The following PFKFB4 variants were observed in gnomAD, a reference collection of about 807,000 sequenced individuals.
The protein encoded by PFKFB4 is 6-phosphofructo-2-kinase/fructose-2,6-bisphosphatase 4.
A neutral mutation model predicts 62.8 loss-of-function variants in PFKFB4; 42 were observed. The observed-to-expected ratio is 0.67, with a 90% CI of 0.52 to 0.86. PFKFB4 has a LOEUF of 0.86. PFKFB4 is among the 40% of genes least tolerant of loss of function. PFKFB4 has a pLI of 0.00. For missense variants in PFKFB4, 475 were observed against 627.2 expected, an observed-to-expected ratio of 0.76 and a Z score of 2.59; for synonymous variants, 204 against 240.7, an observed-to-expected ratio of 0.85 and a Z score of 1.41.
Position 48,539,691 on chromosome 3 carries a change from C to G in PFKFB4, c.453+6G>C. ...CCGCCAAGGAGAGGAGCCAAGGAGG[C>G]CTCACCTTGTAGCCATTCTGTTCTC... On this transcript the variant is annotated splice_donor_region_variant and intron_variant, in intron 5 of 13. Transcript: ENST00000232375. 1 of 1,611,010 alleles carries G rather than the reference C, an allele frequency of 6.2e-7. No individual in the cohort carries two copies.
In PFKFB4 at chr3:48,518,278, G is replaced by C. The variant is rs2041979063; in HGVS notation, c.*1469C>G. On this transcript the variant is annotated 3_prime_UTR_variant, in exon 14 of 14. Coordinates refer to ENST00000232375, the MANE Select transcript of PFKFB4 (RefSeq NM_004567.4). ...CACAAGGATGAGAGACCACCGGCCA[G>C]GGCCAGGGACGCTAACTTCTCTCAG... 6.6e-6 allele frequency: 1 copy of C among 152,540 alleles called. No homozygotes were observed. The highest frequency in any genetic ancestry group is 6.5e-5 in the Admixed American group (1 of 15,286). 9.4% of individuals were successfully genotyped at this position (152,540 alleles called of 1,614,324 possible). A position where few individuals can be genotyped will look rare whatever the true frequency, so the allele number is the denominator to read the frequency against.
intron 1 of PFKFB4, among the ~76,000 whole-genome samples, chr3:48,550,643 T>C (rs2043114475): frequency 6.6e-6 from 1 of 152,048 alleles, no homozygotes. Flanking sequence ...CCTTTTTACA[T>C]CTCTCCCACC....
At chr3:48,551,458 C>T (rs1307923202) in intron 1 of PFKFB4, among the ~76,000 whole-genome samples, 2 of 143,498 alleles carry the variant, frequency 1.4e-5, no homozygotes, top group African/African-American at 5.2e-5. Flanking sequence ...CTCAGGTGAT[C>T]CGACTGCCTG....
Position 48,519,699 on chromosome 3 carries a change from C to A in PFKFB4, c.*48G>T. 7.0e-7 allele frequency: 1 copy of A among 1,418,714 alleles called. No homozygotes were observed. The highest frequency in any genetic ancestry group is 1.0e-6 in the Non-Finnish European group (1 of 1,003,428). 87.9% of individuals were successfully genotyped at this position (1,418,714 alleles called of 1,614,324 possible). A position where few individuals can be genotyped will look rare whatever the true frequency, so the allele number is the denominator to read the frequency against. On this transcript the variant is annotated 3_prime_UTR_variant, in exon 14 of 14. Coordinates refer to ENST00000232375, the MANE Select transcript of PFKFB4 (RefSeq NM_004567.4). ...ACACTGGAGGGCCTGGAATGACCCC[C>A]TCTGCAGAGAGCAGTGCCTGCCTAG...
chr3:48,552,246 C>T (rs2043178007), intron 1 of PFKFB4, among the ~76,000 whole-genome samples: 1 of 152,212 alleles, frequency 6.6e-6, no homozygotes, highest in Non-Finnish European at 1.5e-5. Flanking sequence ...TCTGTCCTAC[C>T]CTGGCGGATA....
At chr3:48,543,682 C>A in intron 3 of PFKFB4, 36 bp from the exon 4 acceptor site, 1 of 1,570,966 alleles carries the variant, frequency 6.4e-7, no homozygotes, top group East Asian at 2.3e-5. Flanking sequence ...GCCCAGCACC[C>A]GACCCTGGCT....
rs753690785 is a variant in PFKFB4, at chr3:48,535,512, C to T, written c.987G>A (p.Ala329=). The T allele has an allele frequency of 2.8e-5, 45 of 1,612,706 alleles. No individual in the cohort carries two copies. Among genetic ancestry groups the T allele is most frequent in the Admixed American group, 3.3e-5 (2 of 59,936 alleles). The change falls in exon 9 of 14, where the codon GCG becomes GCA. Residue 329 remains alanine, a splice_region_variant and synonymous_variant. Coordinates refer to ENST00000232375, the MANE Select transcript of PFKFB4 (RefSeq NM_004567.4). The part of the protein sequence containing the change: ...EQWKVLNEID[A]GVCEEMTYEE... ...ACAGGGAGGGAGGGACGGTAACTACCGCATCGATCTCGTTGAGGACCTTCC... is the reference window on the plus strand; with the variant it reads ...ACAGGGAGGGAGGGACGGTAACTACTGCATCGATCTCGTTGAGGACCTTCC...
intron 5 of PFKFB4, 92 bp from the exon 6 acceptor site, chr3:48,539,402 CCT>C (rs2042733526): frequency 1.4e-5 from 15 of 1,107,002 alleles, no homozygotes; most frequent in East Asian, 9.6e-5. Context: ...CTCTCCATCC[CCT>C]GAGGCCCATG....
At chr3:48,537,332 A>G (rs1245444168) in intron 7 of PFKFB4, among the ~76,000 whole-genome samples, 1 of 152,096 alleles carries the variant, frequency 6.6e-6, no homozygotes, top group East Asian at 1.9e-4. Flanking sequence ...ATCACATCAC[A>G]GAACCATGAA....
At chr3:48,549,997 G>T in intron 2 of PFKFB4, 37 bp from the exon 3 acceptor site, 2 of 1,524,966 alleles carry the variant, frequency 1.3e-6, no homozygotes, top group Non-Finnish European at 1.8e-6. Context: ...CACAGCAACA[G>T]CAACCCCTAC....
chr3:48,556,529 G>A lies in PFKFB4; in HGVS notation c.97+152C>T. The A allele has an allele frequency of 1.1e-6, 1 of 910,636 alleles. No individual in the cohort carries two copies. The highest frequency in any genetic ancestry group is 1.7e-5 in the South Asian group (1 of 59,312). The allele number at this position is 910,636 out of a possible 1,614,324, so 56.4% of individuals were successfully genotyped here. On this transcript the variant is annotated intron_variant, in intron 1 of 13. Transcript: ENST00000232375. This position sits in a 1 kb window ranked among gnomAD's most constrained non-coding sequence, Gnocchi z 5.7. Reference sequence around the variant, plus strand: ...CACCACTGTCACGACCGCCTCACCTGTCCCCAGCAGCCTCCCCAGTCACGG... The same window carrying A: ...CACCACTGTCACGACCGCCTCACCTATCCCCAGCAGCCTCCCCAGTCACGG...
chr3:48,558,770 A>C (rs1350480581), upstream of PFKFB4, among the ~76,000 whole-genome samples: 5 of 152,140 alleles, frequency 3.3e-5, no homozygotes, highest in Non-Finnish European at 7.4e-5. Context: ...CCCCAGTCCC[A>C]GCAGATCTGA....
In PFKFB4 at chr3:48,519,586, A is replaced by C; in HGVS notation, c.*161T>G. 1 of 619,572 alleles carries C rather than the reference A, an allele frequency of 1.6e-6. No homozygotes were observed. The highest frequency in any genetic ancestry group is 2.9e-6 in the Non-Finnish European group (1 of 346,106). The allele number at this position is 619,572 out of a possible 1,614,324, so 38.4% of individuals were successfully genotyped here. A position where few individuals can be genotyped will look rare whatever the true frequency, so the allele number is the denominator to read the frequency against. Reference sequence around the variant, plus strand: ...ACCTTGTCGCCGACTGTCAACAAAGAGCCAGGTGGGCTGGGGTGGGGGCTC... The same window carrying C: ...ACCTTGTCGCCGACTGTCAACAAAGCGCCAGGTGGGCTGGGGTGGGGGCTC... On this transcript the variant is annotated 3_prime_UTR_variant, in exon 14 of 14. Transcript: ENST00000232375.
chr3:48,542,921 A>G (rs1416575126), intron 4 of PFKFB4, among the ~76,000 whole-genome samples: 1 of 152,196 alleles, frequency 6.6e-6, no homozygotes, highest in East Asian at 1.9e-4. Context: ...CTTCAATGAA[A>G]CAAATCAGTA....
At chr3:48,539,853 G>T in intron 4 of PFKFB4, 82 bp from the exon 5 acceptor site, 3 of 1,088,700 alleles carry the variant, frequency 2.8e-6, no homozygotes, top group Admixed American at 1.8e-5. Context: ...GGCAGTGAGG[G>T]CCGCAGCACA....
At chr3:48,550,280 C>A (rs1191556422) in intron 1 of PFKFB4, 46 bp from the exon 2 acceptor site, 3 of 1,215,736 alleles carry the variant, frequency 2.5e-6, no homozygotes, top group Admixed American at 3.4e-5. Context: ...GGGACCCTCC[C>A]AGCGCACCCC....
At chr3:48,546,336 A>G (rs1355381885) in intron 3 of PFKFB4, among the ~76,000 whole-genome samples, 1 of 152,022 alleles carries the variant, frequency 6.6e-6, no homozygotes, top group African/African-American at 2.4e-5. Flanking sequence ...TATACAGAGT[A>G]TGCATGTGGG....
At position 48,525,666 on chromosome 3, in the gene PFKFB4, C is replaced by A. The variant is rs190650932; in HGVS notation, c.991G>T (p.Val331Phe). The A allele has an allele frequency of 1.3e-6, 2 of 1,590,732 alleles. No individual in the cohort carries two copies. The highest frequency in any genetic ancestry group is 1.7e-5 in the Admixed American group (1 of 58,806). Residue 331 changes from valine (V) to phenylalanine (F), a missense_variant, in exon 10 of 14, where the codon GTC becomes TTC. By Grantham distance (50) the Val-to-Phe change is conservative (BLOSUM62 -1). Transcript: ENST00000232375. ...WKVLNEIDAGVCEEMTYEEIQ... is the reference protein window; with the variant it reads ...WKVLNEIDAGFCEEMTYEEIQ... ...TCCTCGTAGGTCATTTCCTCACAGA[C>A]GCCCTAGGGAGATACCACAGTCATC...
chr3:48,551,201 C>T (rs1410799108), intron 1 of PFKFB4, among the ~76,000 whole-genome samples: 1 of 151,780 alleles, frequency 6.6e-6, no homozygotes, highest in Non-Finnish European at 1.5e-5. Flanking sequence ...CTTATGGGAC[C>T]TAGCTCACTT....
Sources: allele counts gnomAD v4.1 joint callset (sites outside exome capture counted in the v4.1 genomes callset), GRCh38; gene constraint gnomAD v4.1.1; non-coding constraint Gnocchi (gnomAD v3.1); transcripts MANE v1.5; gene names NCBI Gene and HGNC (gene_info 2026-07-23, HGNC 2026-07-21).